Variants in ISLR observed in about 807,000 individuals in gnomAD.
The protein encoded by ISLR is immunoglobulin superfamily containing leucine-rich repeat protein.
In ISLR, 9 loss-of-function variants were observed where a neutral mutation model predicts 11.0. The observed-to-expected ratio is 0.82, with a 90% CI of 0.49 to 1.43. The LOEUF is 1.43. ISLR is among the 40% of genes most tolerant of loss of function. The probability of loss-of-function intolerance (pLI) is 0.00; values close to 1 mark genes in which losing one functional copy is unlikely to be tolerated. For missense variants in ISLR, 510 were observed against 576.4 expected, an observed-to-expected ratio of 0.88 and a Z score of 1.18; for synonymous variants, 262 against 264.1, an observed-to-expected ratio of 0.99 and a Z score of 0.08.
rs777771743 is a variant in ISLR at position 74,176,247 on chromosome 15, A to G, written c.*102A>G. 20 of 892,576 alleles carry G rather than the reference A, an allele frequency of 2.2e-5. 1 individual carries two copies. The highest frequency in any genetic ancestry group is 3.0e-5 in the Non-Finnish European group (18 of 594,156). 55.3% of individuals were successfully genotyped at this position (892,576 alleles called of 1,614,324 possible). The stretch of plus-strand genomic sequence containing the variant: ...GCAACTCCTGAGGCCTGCATGGGTG[A>G]CTTCACATTTTCCTACCTCTCCTTC... On this transcript the variant is annotated 3_prime_UTR_variant, in exon 2 of 2. Coordinates refer to ENST00000249842, the MANE Select transcript of ISLR (RefSeq NM_005545.4).
chr15:74,175,233 A>G lies in ISLR; in HGVS notation c.375A>G (p.Gln125=), dbSNP rs746961280. 3.5e-5 allele frequency: 56 copies of G among 1,613,426 alleles called. No individual in the cohort carries two copies. The highest frequency in any genetic ancestry group is 2.2e-4 in the Admixed American group (13 of 60,020). The change falls in exon 2 of 2, where the codon CAA becomes CAG. Residue 125 remains glutamine (Q), a synonymous_variant. Transcript: ENST00000249842. This position sits in a 1 kb window ranked among gnomAD's most constrained non-coding sequence, Gnocchi z 4.7. ...WSDLHNLSAL[Q]LLKMDSNELT... is the part of the protein sequence containing the mutation. ...ACCTGCACAACCTCAGTGCCCTCCA[A>G]TTGCTCAAGATGGACAGCAACGAGC...
chr15:74,174,905 C>T lies in ISLR; in HGVS notation c.47C>T (p.Ala16Val). The stretch of plus-strand genomic sequence containing the variant: ...TGGTGGGCGCTTCTCCTGGGCCTGG[C>T]TCAGGCCTGCCCTGAGCCCTGCGAC... Reference protein sequence around the residue: ...LLWWALLLGLAQACPEPCDCG... With the variant: ...LLWWALLLGLVQACPEPCDCG... The change falls in exon 2 of 2, where the codon GCT becomes GTT. Residue 16 changes from alanine to valine, a missense_variant. Physicochemically the swap from Ala to Val is moderately conservative, Grantham distance 64. Coordinates refer to ENST00000249842, the MANE Select transcript of ISLR (RefSeq NM_005545.4). The T allele has an allele frequency of 6.4e-7, 1 of 1,562,824 alleles. No homozygotes were observed. Among genetic ancestry groups the T allele is most frequent in the Non-Finnish European group, 8.6e-7 (1 of 1,159,706 alleles).
chr15:74,175,709 A>G lies in ISLR; in HGVS notation c.851A>G (p.Asn284Ser), dbSNP rs1304909110. The stretch of plus-strand genomic sequence containing the variant: ...GGCATTGTGGAGATCACCAGCCCCA[A>G]CGTGGGCACTGATGGGCGTGCCCTG... Reference protein sequence around the residue: ...PSGIVEITSPNVGTDGRALPG... With the variant: ...PSGIVEITSPSVGTDGRALPG... Residue 284 changes from asparagine (N) to serine (S), a missense_variant, in exon 2 of 2, where the codon AAC (asparagine) becomes AGC (serine). Physicochemically the swap from Asn to Ser is conservative, Grantham distance 46. Transcript: ENST00000249842. The surrounding 1 kb of genome is among the most constrained non-coding windows in gnomAD (Gnocchi z 4.7). The G allele has an allele frequency of 6.2e-7, 1 of 1,614,096 alleles. No individual in the cohort carries two copies. The highest frequency in any genetic ancestry group is 8.5e-7 in the Non-Finnish European group (1 of 1,179,990).
rs753157000 is a variant in ISLR at position 74,175,860 on chromosome 15, C to A, written c.1002C>A (p.Gly334=). 7.4e-6 allele frequency: 12 copies of A among 1,613,922 alleles called. No individual in the cohort carries two copies. The highest frequency in any genetic ancestry group is 8.5e-7 in the Non-Finnish European group (1 of 1,179,990). ...TYSCLATNEL[G]SAESSVDVAL... Reference sequence around the variant, plus strand: ...GCTGCCTGGCCACCAATGAGCTGGGCAGTGCTGAGAGCTCAGTGGACGTGG... The same window carrying A: ...GCTGCCTGGCCACCAATGAGCTGGGAAGTGCTGAGAGCTCAGTGGACGTGG... The change falls in exon 2 of 2, where the codon GGC becomes GGA. Residue 334 remains glycine (G), a synonymous_variant. Coordinates refer to ENST00000249842, the MANE Select transcript of ISLR (RefSeq NM_005545.4). This position sits in a 1 kb window ranked among gnomAD's most constrained non-coding sequence, Gnocchi z 4.7.
chr15:74,174,963 C>T lies in ISLR; in HGVS notation c.105C>T (p.Asp35=), dbSNP rs2072774491. 6.2e-7 allele frequency: 1 copy of T among 1,612,896 alleles called. No homozygotes were observed. Among genetic ancestry groups the T allele is most frequent in the East Asian group, 2.2e-5 (1 of 44,856 alleles). The change falls in exon 2 of 2, where the codon GAC becomes GAT. Residue 35 remains aspartate (D), a synonymous_variant. Transcript: ENST00000249842. ...CGEKYGFQIA[D]CAYRDLESVP... Reference sequence around the variant, plus strand: ...AAAAGTATGGCTTCCAGATCGCCGACTGTGCCTACCGCGACCTAGAATCCG... The same window carrying T: ...AAAAGTATGGCTTCCAGATCGCCGATTGTGCCTACCGCGACCTAGAATCCG...
In ISLR at chr15:74,175,070, G is replaced by C. The variant is rs2072776099; in HGVS notation, c.212G>C (p.Arg71Thr). The C allele has an allele frequency of 6.2e-7, 1 of 1,612,144 alleles. No individual in the cohort carries two copies. The highest frequency in any genetic ancestry group is 8.5e-7 in the Non-Finnish European group (1 of 1,179,602). The change falls in exon 2 of 2, where the codon AGG becomes ACG. Residue 71 changes from arginine (R) to threonine (T), a missense_variant. By Grantham distance (71) the Arg-to-Thr change is moderately conservative. Coordinates refer to ENST00000249842, the MANE Select transcript of ISLR (RefSeq NM_005545.4). This position sits in a 1 kb window ranked among gnomAD's most constrained non-coding sequence, Gnocchi z 4.7. ...RLPGLPEGAFREVPLLQSLWL... is the reference protein window; with the variant it reads ...RLPGLPEGAFTEVPLLQSLWL... Reference sequence around the variant, plus strand: ...CCAGGCTTGCCGGAGGGTGCCTTCAGGGAGGTGCCCCTGCTGCAGTCGCTG... The same window carrying C: ...CCAGGCTTGCCGGAGGGTGCCTTCACGGAGGTGCCCCTGCTGCAGTCGCTG...
chr15:74,175,804 G>A lies in ISLR; in HGVS notation c.946G>A (p.Asp316Asn), dbSNP rs374131148. Residue 316 changes from aspartate to asparagine, a missense_variant, in exon 2 of 2, where the codon GAC (aspartate) becomes AAC (asparagine). By Grantham distance (23) the Asp-to-Asn change is conservative (BLOSUM62 1). Coordinates refer to ENST00000249842, the MANE Select transcript of ISLR (RefSeq NM_005545.4). This position sits in a 1 kb window ranked among gnomAD's most constrained non-coding sequence, Gnocchi z 4.7. ...TGCCAATGGCAGCCTGCTTATCCCC[G>A]ACTTTGGCAAGCTGGAGGAAGGCAC... ...AFANGSLLIP[D>N]FGKLEEGTYS... 6.8e-6 allele frequency: 11 copies of A among 1,614,066 alleles called. No individual in the cohort carries two copies. In the East Asian group the frequency reaches 1.6e-4, roughly 23 times the overall value.
At position 74,175,936 on chromosome 15, in the gene ISLR, C is replaced by T. The variant is rs1343030586; in HGVS notation, c.1078C>T (p.His360Tyr). The T allele has an allele frequency of 1.9e-6, 3 of 1,610,566 alleles. No individual in the cohort carries two copies. Among genetic ancestry groups the T allele is most frequent in the African/African-American group, 2.7e-5 (2 of 74,912 alleles). The change falls in exon 2 of 2, where the codon CAT becomes TAT. Residue 360 changes from histidine to tyrosine, a missense_variant. His to Tyr is a moderately conservative substitution (Grantham distance 83). Coordinates refer to ENST00000249842, the MANE Select transcript of ISLR (RefSeq NM_005545.4). This position sits in a 1 kb window ranked among gnomAD's most constrained non-coding sequence, Gnocchi z 4.7. ...TGAGGACACACTGGGGCGCAGGTTC[C>T]ATGGCAAAGCGGTTGAGGGAAAGGG... is the stretch of plus-strand genomic sequence containing the variant. ...GGEDTLGRRF[H>Y]GKAVEGKGCY...
In ISLR at chr15:74,175,550, C is replaced by T. The variant is rs543753338; in HGVS notation, c.692C>T (p.Ala231Val). 53 of 1,611,334 alleles carry T rather than the reference C, an allele frequency of 3.3e-5. No homozygotes were observed. The highest frequency in any genetic ancestry group is 4.5e-5 in the East Asian group (2 of 44,868). Residue 231 changes from alanine to valine, a missense_variant, in exon 2 of 2, where the codon GCG (alanine) becomes GTG (valine). By Grantham distance (64) the Ala-to-Val change is moderately conservative. Transcript: ENST00000249842. The surrounding 1 kb of genome is among the most constrained non-coding windows in gnomAD (Gnocchi z 4.7). The part of the protein sequence containing the change: ...LSRLPPLPCS[A>V]PSVQLSYQPS... ...CGCCTGCCGCCACTGCCATGCTCGG[C>T]GCCCTCAGTGCAGCTCAGCTACCAA...
rs1458266593 is a variant in ISLR, at chr15:74,175,259, T to A, written c.401T>A (p.Leu134Gln). The change falls in exon 2 of 2, where the codon CTG becomes CAG. Residue 134 changes from leucine to glutamine, a missense_variant. By Grantham distance (113) the Leu-to-Gln change is moderately radical. Transcript: ENST00000249842. The surrounding 1 kb of genome is among the most constrained non-coding windows in gnomAD (Gnocchi z 4.7). The stretch of plus-strand genomic sequence containing the variant: ...TTGCTCAAGATGGACAGCAACGAGC[T>A]GACCTTCATCCCCCGCGACGCCTTC... ...LQLLKMDSNE[L>Q]TFIPRDAFRS... 1 of 1,613,204 alleles carries A rather than the reference T, an allele frequency of 6.2e-7. No individual in the cohort carries two copies. The highest frequency in any genetic ancestry group is 1.1e-5 in the South Asian group (1 of 91,082).
rs1239821556 is a variant in ISLR at position 74,175,181 on chromosome 15, A to G, written c.323A>G (p.Asn108Ser). Residue 108 changes from asparagine (N) to serine (S), a missense_variant, in exon 2 of 2, where the codon AAT (asparagine) becomes AGT (serine). Asn to Ser is a conservative substitution (Grantham distance 46, BLOSUM62 1). Coordinates refer to ENST00000249842, the MANE Select transcript of ISLR (RefSeq NM_005545.4). This position sits in a 1 kb window ranked among gnomAD's most constrained non-coding sequence, Gnocchi z 4.7. The part of the protein sequence containing the change: ...SHLKSLDLSH[N>S]LISDFAWSDL... ...CTCAAGAGCCTGGACCTCAGCCACA[A>G]TCTCATCTCTGACTTTGCCTGGAGC... The G allele has an allele frequency of 1.2e-6, 2 of 1,612,844 alleles. No individual in the cohort carries two copies. Among genetic ancestry groups the G allele is most frequent in the Non-Finnish European group, 1.7e-6 (2 of 1,179,970 alleles).
Position 74,175,653 on chromosome 15 carries a change from T to C in ISLR, c.795T>C (p.Pro265=), listed in dbSNP as rs2072786213. Residue 265 remains proline (P), a synonymous_variant, in exon 2 of 2, where the codon CCT becomes CCC. Transcript: ENST00000249842. This position sits in a 1 kb window ranked among gnomAD's most constrained non-coding sequence, Gnocchi z 4.7. The stretch of plus-strand genomic sequence containing the variant: ...GTGATGTGGACGGGCAGCCGGCCCC[T>C]CAGCTTCACTGGCACATCCAGATAC... ...LHCDVDGQPA[P]QLHWHIQIPS... is the part of the protein sequence containing the mutation. 1 of 1,613,990 alleles carries C rather than the reference T, an allele frequency of 6.2e-7. No homozygotes were observed. The highest frequency in any genetic ancestry group is 1.3e-5 in the African/African-American group (1 of 74,944).
rs766663284 is a variant in ISLR, at chr15:74,175,820, A to G, written c.962A>G (p.Glu321Gly). The change falls in exon 2 of 2, where the codon GAG becomes GGG. Residue 321 changes from glutamate to glycine, a missense_variant. Coordinates refer to ENST00000249842, the MANE Select transcript of ISLR (RefSeq NM_005545.4). The surrounding 1 kb of genome is among the most constrained non-coding windows in gnomAD (Gnocchi z 4.7). Reference protein sequence around the residue: ...SLLIPDFGKLEEGTYSCLATN... With the variant: ...SLLIPDFGKLGEGTYSCLATN... ...CTTATCCCCGACTTTGGCAAGCTGG[A>G]GGAAGGCACCTACAGCTGCCTGGCC... is the stretch of plus-strand genomic sequence containing the variant. The G allele has an allele frequency of 1.2e-6, 2 of 1,614,064 alleles. No homozygotes were observed. The highest frequency in any genetic ancestry group is 2.7e-5 in the African/African-American group (2 of 75,070).
Position 74,176,094 on chromosome 15 carries a change from G to A in ISLR, c.1236G>A (p.Leu412=), listed in dbSNP as rs781078970. 6.9e-6 allele frequency: 11 copies of A among 1,589,496 alleles called. No individual in the cohort carries two copies. In the Admixed American group the frequency reaches 1.4e-4, roughly 20 times the overall value. ...EGVPGQLPPG[L]LLLGQSLLLF... is the part of the protein sequence containing the mutation. The stretch of plus-strand genomic sequence containing the variant: ...TCCCTGGGCAGCTGCCCCCAGGCCT[G>A]CTCCTGCTGGGCCAAAGCCTCCTCC... Residue 412 remains leucine, a synonymous_variant, in exon 2 of 2, where the codon CTG becomes CTA. Transcript: ENST00000249842.
chr15:74,176,289 A>C lies in ISLR; in HGVS notation c.*144A>C. 1.6e-6 allele frequency: 1 copy of C among 626,866 alleles called. No individual in the cohort carries two copies. Among genetic ancestry groups the C allele is most frequent in the Non-Finnish European group, 2.7e-6 (1 of 366,118 alleles). 38.8% of individuals were successfully genotyped at this position (626,866 alleles called of 1,614,324 possible). A position where few individuals can be genotyped will look rare whatever the true frequency, so the allele number is the denominator to read the frequency against. ...CTCTCCTTCTAATCTCTTCTAGAGC[A>C]CCTGCTATCCCCAACTTCTAGACCT... On this transcript the variant is annotated 3_prime_UTR_variant, in exon 2 of 2. Coordinates refer to ENST00000249842, the MANE Select transcript of ISLR (RefSeq NM_005545.4).
Position 74,176,729 on chromosome 15 carries a change from C to CTCTTA in ISLR, c.*585_*589dup, listed in dbSNP as rs2072800013. 6.0e-6 allele frequency: 1 copy of CTCTTA among 167,854 alleles called. No individual in the cohort carries two copies. The highest frequency in any genetic ancestry group is 1.9e-4 in the East Asian group (1 of 5,204). The allele number at this position is 167,854 out of a possible 1,614,324, so 10.4% of individuals were successfully genotyped here. The stretch of plus-strand genomic sequence containing the variant: ...TGGGGATCCAGGATGGCCTTCCTTC[C>CTCTTA]TCTTACCCTTCCTCCCTCAGCCTGC... On this transcript the variant is annotated 3_prime_UTR_variant, in exon 2 of 2. Coordinates refer to ENST00000249842, the MANE Select transcript of ISLR (RefSeq NM_005545.4).
At position 74,175,274 on chromosome 15, in the gene ISLR, G is replaced by C. The variant is rs754787419; in HGVS notation, c.416G>C (p.Arg139Pro). ...MDSNELTFIPRDAFRSLRALR... is the reference protein window; with the variant it reads ...MDSNELTFIPPDAFRSLRALR... ...AGCAACGAGCTGACCTTCATCCCCC[G>C]CGACGCCTTCCGCAGCCTCCGTGCT... is the stretch of plus-strand genomic sequence containing the variant. Residue 139 changes from arginine to proline, a missense_variant, in exon 2 of 2, where the codon CGC (arginine) becomes CCC (proline). Coordinates refer to ENST00000249842, the MANE Select transcript of ISLR (RefSeq NM_005545.4). The surrounding 1 kb of genome is among the most constrained non-coding windows in gnomAD (Gnocchi z 4.7). The C allele has an allele frequency of 3.7e-6, 6 of 1,612,500 alleles. No individual in the cohort carries two copies. In the African/African-American group the frequency reaches 8.0e-5, roughly 22 times the overall value.
At position 74,175,705 on chromosome 15, in the gene ISLR, C is replaced by T; in HGVS notation, c.847C>T (p.Pro283Ser). 3 of 1,614,104 alleles carry T rather than the reference C, an allele frequency of 1.9e-6. No homozygotes were observed. Among genetic ancestry groups the T allele is most frequent in the Non-Finnish European group, 2.5e-6 (3 of 1,180,008 alleles). The part of the protein sequence containing the change: ...IPSGIVEITS[P>S]NVGTDGRALP... ...CAGTGGCATTGTGGAGATCACCAGCCCCAACGTGGGCACTGATGGGCGTGC... is the reference window on the plus strand; with the variant it reads ...CAGTGGCATTGTGGAGATCACCAGCTCCAACGTGGGCACTGATGGGCGTGC... The change falls in exon 2 of 2, where the codon CCC becomes TCC. Residue 283 changes from proline to serine, a missense_variant. Transcript: ENST00000249842. The surrounding 1 kb of genome is among the most constrained non-coding windows in gnomAD (Gnocchi z 4.7).
In ISLR at chr15:74,175,296, T is replaced by A. The variant is rs1034460611; in HGVS notation, c.438T>A (p.Arg146=). 6.2e-7 allele frequency: 1 copy of A among 1,612,002 alleles called. No individual in the cohort carries two copies. Among genetic ancestry groups the A allele is most frequent in the South Asian group, 1.1e-5 (1 of 91,074 alleles). ...CCCGCGACGCCTTCCGCAGCCTCCG[T>A]GCTCTGCGCTCGCTGCAACTCAACC... The part of the protein sequence containing the change: ...FIPRDAFRSL[R]ALRSLQLNHN... Residue 146 remains arginine (R), a synonymous_variant, in exon 2 of 2, where the codon CGT becomes CGA. Coordinates refer to ENST00000249842, the MANE Select transcript of ISLR (RefSeq NM_005545.4). The surrounding 1 kb of genome is among the most constrained non-coding windows in gnomAD (Gnocchi z 4.7).
Sources: gnomAD v4.1 joint callset for allele counts on GRCh38, gnomAD v4.1.1 for gene constraint, Gnocchi (gnomAD v3.1) non-coding constraint, MANE v1.5 for transcripts, NCBI Gene and HGNC (gene_info 2026-07-23, HGNC 2026-07-21) for gene names.